Variants in ENOX1 observed in about 807,000 individuals in gnomAD.
ENOX1 encodes the protein candidate growth-related and time keeping constitutive hydroquinone (NADH) oxidase.
ENOX1 carries 42 observed loss-of-function variants against 82.5 expected under a neutral mutation model. The ratio of observed to expected loss-of-function variants is 0.51; its 90% CI spans 0.40 to 0.66. The LOEUF (loss-of-function observed/expected upper bound fraction) is 0.66, where lower values mean the gene tolerates loss of function less well. ENOX1 is among the 30% of genes least tolerant of loss of function. The probability of loss-of-function intolerance (pLI) is 0.00; values close to 1 mark genes in which losing one functional copy is unlikely to be tolerated. For missense variants in ENOX1, 608 were observed against 811.6 expected (o/e 0.75, Z 3.05); for synonymous variants, 271 against 282.2 (o/e 0.96, Z 0.40).
At chr13:43,542,229 T>C (rs553134112) in intron 2 of ENOX1, among the ~76,000 whole-genome samples, 1 of 152,084 alleles carries the variant, frequency 6.6e-6, no homozygotes, top group East Asian at 1.9e-4. Flanking sequence ...AACCTCTGTC[T>C]CTCAGGTTCA....
At chr13:43,345,675 A>G (rs1435412968) in intron 8 of ENOX1, among the ~76,000 whole-genome samples, 1 of 152,226 alleles carries the variant, frequency 6.6e-6, no homozygotes, top group East Asian at 1.9e-4. Flanking sequence ...ACATTAACCA[A>G]TCTGACTACT....
At chr13:43,297,528 G>A (rs756919393) in intron 12 of ENOX1, among the ~76,000 whole-genome samples, 5 of 151,774 alleles carry the variant, frequency 3.3e-5, no homozygotes, top group Non-Finnish European at 7.4e-5. Flanking sequence ...GTAACTCAAA[G>A]GCCCAAACAC....
intron 14 of ENOX1, among the ~76,000 whole-genome samples, chr13:43,243,533 T>C (rs2042940647): frequency 6.6e-6 from 1 of 152,162 alleles, no homozygotes; most frequent in Admixed American, 6.5e-5. Flanking sequence ...AGCGATCCTC[T>C]TGCCTCAGCT....
chr13:43,459,734 C>T (rs539775065), intron 3 of ENOX1, among the ~76,000 whole-genome samples: 1 of 152,188 alleles, frequency 6.6e-6, no homozygotes, highest in African/African-American at 2.4e-5. Flanking sequence ...TGGCTCCCAC[C>T]TGTAATCCCA....
chr13:43,743,288 T>A (rs1029686556), intron 1 of ENOX1, among the ~76,000 whole-genome samples: 4 of 152,050 alleles, frequency 2.6e-5, no homozygotes, highest in Non-Finnish European at 4.4e-5. Flanking sequence ...CTAAAAAAAA[T>A]AATTAACTGT....
chr13:43,568,469 T>C (rs1393254767), intron 2 of ENOX1, among the ~76,000 whole-genome samples: 1 of 152,170 alleles, frequency 6.6e-6, no homozygotes, highest in Non-Finnish European at 1.5e-5. Flanking sequence ...GAGAAAATAA[T>C]ACTTTAACCA....
At chr13:43,487,080 G>A (rs1211776444) in intron 2 of ENOX1, among the ~76,000 whole-genome samples, 1 of 151,992 alleles carries the variant, frequency 6.6e-6, no homozygotes, top group African/African-American at 2.4e-5. Context: ...CTGAGGCAGG[G>A]AGAATTGCTT....
At chr13:43,567,071 A>C (rs1375772590) in intron 2 of ENOX1, among the ~76,000 whole-genome samples, 2 of 152,188 alleles carry the variant, frequency 1.3e-5, no homozygotes, top group Non-Finnish European at 2.9e-5. Flanking sequence ...ATTTGAACAA[A>C]GTATTTCCAT....
intron 2 of ENOX1, among the ~76,000 whole-genome samples, chr13:43,648,102 T>G (rs969177602): frequency 3.3e-5 from 5 of 152,216 alleles, no homozygotes; most frequent in Non-Finnish European, 5.9e-5. Context: ...ACTATACATC[T>G]GTGTTGTTCA....
At chr13:43,660,438 G>A (rs761725782) in intron 2 of ENOX1, among the ~76,000 whole-genome samples, 2 of 151,944 alleles carry the variant, frequency 1.3e-5, no homozygotes, top group Non-Finnish European at 2.9e-5. Flanking sequence ...ACTCTTTTTT[G>A]TTCCCTCAAA....
rs544628296 is a variant in ENOX1 at position 43,620,224 on chromosome 13, A to AT, written c.-219+47254dup. ...GGCTTTTTTTTCCTTTATCTTTTAT[A>AT]TTTTTTTGGTTTCTATTTCATTTAA... On this transcript the variant is annotated intron_variant, in intron 2 of 16. Transcript: ENST00000690772. 3.1e-3 allele frequency among the ~76,000 whole-genome samples: 470 copies of AT among 150,338 alleles called. 2 individuals are homozygous for AT. The highest frequency in any genetic ancestry group is 0.011 in the African/African-American group (430 of 40,936).
intron 3 of ENOX1, among the ~76,000 whole-genome samples, chr13:43,424,780 T>A (rs930693812): frequency 1.3e-5 from 2 of 152,134 alleles, no homozygotes; most frequent in African/African-American, 4.8e-5. Context: ...TTGGGTCCCC[T>A]GTGATGGTCC....
At chr13:43,759,743 C>A (rs1364833247) in intron 1 of ENOX1, among the ~76,000 whole-genome samples, 4 of 151,344 alleles carry the variant, frequency 2.6e-5, no homozygotes, top group African/African-American at 9.7e-5. Flanking sequence ...TGTGTAGATA[C>A]AGGCAACAGT....
chr13:43,575,385 T>C (rs2080375036), intron 2 of ENOX1, among the ~76,000 whole-genome samples: 1 of 152,154 alleles, frequency 6.6e-6, no homozygotes, highest in Non-Finnish European at 1.5e-5. Context: ...CAAATTTCAG[T>C]TAAGTCTCAG....
chr13:43,595,250 A>G (rs1344106253), intron 2 of ENOX1, among the ~76,000 whole-genome samples: 1 of 151,824 alleles, frequency 6.6e-6, no homozygotes, highest in African/African-American at 2.4e-5. Context: ...TTTGTAGAGT[A>G]ATAGCAGGTA....
intron 14 of ENOX1, among the ~76,000 whole-genome samples, chr13:43,258,231 C>T (rs2043860561): frequency 6.6e-6 from 1 of 152,216 alleles, no homozygotes. Flanking sequence ...TTCCTTGGAG[C>T]TCTGTACATG....
chr13:43,281,580 C>G lies in ENOX1; in HGVS notation c.1447-12003G>C, dbSNP rs909845505. On this transcript the variant is annotated intron_variant, in intron 12 of 16. Coordinates refer to ENST00000690772, the MANE Select transcript of ENOX1 (RefSeq NM_001347969.2). ...GAAGTGCTCCTCTAGCTTTAGCAGT[C>G]CCCCTACTCTCAGTTGGCAATTGCA... 2.6e-5 allele frequency among the ~76,000 whole-genome samples: 4 copies of G among 152,114 alleles called. No individual in the cohort carries two copies. The East Asian group carries it at 7.7e-4, about 29-fold the overall frequency.
intron 11 of ENOX1, 34 bp downstream of exon 11, chr13:43,322,350 T>C (rs1046675663): frequency 6.6e-7 from 1 of 1,523,674 alleles, no homozygotes; most frequent in Non-Finnish European, 9.1e-7. Context: ...ATCATTATGA[T>C]ACCTCATGGG....
chr13:43,320,437 T>G (rs2047741125), intron 11 of ENOX1, among the ~76,000 whole-genome samples: 1 of 152,116 alleles, frequency 6.6e-6, no homozygotes. Context: ...TCTCATCAGA[T>G]GCCTGGGGAA....
Sources: gnomAD v4.1 joint callset for allele counts (sites outside exome capture counted in the v4.1 genomes callset) on GRCh38, gnomAD v4.1.1 for gene constraint, MANE v1.5 for transcripts, NCBI Gene and HGNC (gene_info 2026-07-23, HGNC 2026-07-21) for gene names.